Variants in KIAA1217 observed in about 807,000 individuals in gnomAD.
KIAA1217 encodes sickle tail protein homolog.
Under a neutral mutation model 163.9 loss-of-function variants are expected in KIAA1217, and 88 were observed. The ratio of observed to expected loss-of-function variants is 0.54; its 90% confidence interval spans 0.45 to 0.64. KIAA1217 has a LOEUF of 0.64. KIAA1217 is among the 30% of genes least tolerant of loss of function. The pLI, the probability that KIAA1217 is intolerant of heterozygous loss-of-function variation, is 0.00. For synonymous variants in KIAA1217, 903 were observed against 923.1 expected, an observed-to-expected ratio of 0.98 and a Z score of 0.39; for missense variants, 2,372 against 2,475.0, an observed-to-expected ratio of 0.96 and a Z score of 0.88.
chr10:24,275,509 G>A (rs2077186267), intron 2 of KIAA1217, among the ~76,000 whole-genome samples: 1 of 152,192 alleles, frequency 6.6e-6, no homozygotes, highest in African/African-American at 2.4e-5. Context: ...GTCCTGCCAT[G>A]TCTATGATGA....
chr10:23,972,907 T>C (rs1037979948), intron 1 of KIAA1217, among the ~76,000 whole-genome samples: 6 of 151,686 alleles, frequency 4.0e-5, no homozygotes, highest in Non-Finnish European at 8.8e-5. Flanking sequence ...AGTTGAACAA[T>C]GAGAACACAT....
intron 11 of KIAA1217, among the ~76,000 whole-genome samples, chr10:24,521,047 T>C (rs10458685): frequency 2.1e-5 from 3 of 145,592 alleles, no homozygotes; most frequent in African/African-American, 7.5e-5. Flanking sequence ...AAAAAGTTTT[T>C]TTTTTTTTTT....
intron 2 of KIAA1217, among the ~76,000 whole-genome samples, chr10:24,070,787 G>A (rs182854637): frequency 4.6e-5 from 7 of 152,068 alleles, no homozygotes; most frequent in African/African-American, 7.2e-5. Context: ...GAAAGGTTGC[G>A]AAAAGGGGAA....
intron 1 of KIAA1217, among the ~76,000 whole-genome samples, chr10:23,964,817 A>G (rs1844988985): frequency 6.6e-6 from 1 of 152,084 alleles, no homozygotes; most frequent in Admixed American, 6.5e-5. Context: ...AGCCTCCCAA[A>G]GTGCTGGGAC....
chr10:24,356,302 A>C (rs1044990169), intron 2 of KIAA1217, among the ~76,000 whole-genome samples: 1 of 152,220 alleles, frequency 6.6e-6, no homozygotes, highest in Non-Finnish European at 1.5e-5. Context: ...ACAAAGCCTG[A>C]TGCTGGGTTA....
rs191447238 is a variant in KIAA1217 at position 24,501,650 on chromosome 10, A to G, written c.2001+105A>G. ...ACCTAGAGAATGTAGAACCATAGAAACAGCATGGCTTCCTCTCTCACACAC... is the reference window on the plus strand; with the variant it reads ...ACCTAGAGAATGTAGAACCATAGAAGCAGCATGGCTTCCTCTCTCACACAC... On this transcript the variant is annotated intron_variant, in intron 9 of 20. Transcript: ENST00000376454. 1,612 of 998,416 alleles carry G rather than the reference A, an allele frequency of 1.6e-3. 3 individuals are homozygous for G. Among genetic ancestry groups the G allele is most frequent in the Middle Eastern group, 5.2e-3 (15 of 2,892 alleles). The allele number at this position is 998,416 out of a possible 1,614,324, so 61.8% of individuals were successfully genotyped here. A position where few individuals can be genotyped will look rare whatever the true frequency, so the allele number is the denominator to read the frequency against.
chr10:24,455,090 C>T (rs2061666026), intron 5 of KIAA1217, among the ~76,000 whole-genome samples: 1 of 152,090 alleles, frequency 6.6e-6, no homozygotes. Flanking sequence ...CATTTTAAGA[C>T]TGAAATATGT....
At chr10:24,015,027 G>A (rs573843583) in intron 2 of KIAA1217, among the ~76,000 whole-genome samples, 5 of 151,938 alleles carry the variant, frequency 3.3e-5, no homozygotes, top group Admixed American at 2.6e-4. Context: ...CCCTAAAAAA[G>A]CATGTAGTTA....
At chr10:23,776,379 A>G (rs7092339) in intron 1 of KIAA1217, among the ~76,000 whole-genome samples, 1,515 of 151,242 alleles carry the variant, frequency 0.01, 18 homozygotes, top group African/African-American at 0.035. Flanking sequence ...TTCATCTATG[A>G]TGAAGATAAT....
chr10:23,741,540 T>C (rs1839115553), intron 1 of KIAA1217, among the ~76,000 whole-genome samples: 1 of 152,220 alleles, frequency 6.6e-6, no homozygotes, highest in African/African-American at 2.4e-5. Flanking sequence ...TTCAGGTCCT[T>C]ATTTCACTAA....
intron 4 of KIAA1217, among the ~76,000 whole-genome samples, chr10:24,435,976 T>C (rs967903636): frequency 6.6e-6 from 1 of 151,954 alleles, no homozygotes; most frequent in African/African-American, 2.4e-5. Flanking sequence ...TTCTCATGCC[T>C]CAGCCTCCCG....
intron 1 of KIAA1217, among the ~76,000 whole-genome samples, chr10:23,909,197 CA>C (rs1842316290): frequency 1.3e-5 from 2 of 151,960 alleles, no homozygotes; most frequent in Non-Finnish European, 2.9e-5. Flanking sequence ...TTTGCAGACT[CA>C]GGGGGAAATG....
chr10:24,100,578 C>T (rs1230677642), intron 2 of KIAA1217, among the ~76,000 whole-genome samples: 1 of 152,188 alleles, frequency 6.6e-6, no homozygotes, highest in African/African-American at 2.4e-5. Flanking sequence ...AAGACAAGCA[C>T]TTAATACTTA....
chr10:24,190,095 A>G (rs1479984324), intron 2 of KIAA1217, among the ~76,000 whole-genome samples: 1 of 150,346 alleles, frequency 6.7e-6, no homozygotes, highest in African/African-American at 2.4e-5. Flanking sequence ...ACTGAGGGGG[A>G]GCTTAGCAAG....
At chr10:23,740,988 C>T (rs191846183) in intron 1 of KIAA1217, among the ~76,000 whole-genome samples, 151 of 152,240 alleles carry the variant, frequency 9.9e-4, no homozygotes, top group South Asian at 7.0e-3. Flanking sequence ...TGGGATAAAG[C>T]AGACATCCAT....
intron 2 of KIAA1217, among the ~76,000 whole-genome samples, chr10:24,018,764 T>C (rs191273082): frequency 1.3e-5 from 2 of 152,178 alleles, no homozygotes; most frequent in East Asian, 3.9e-4. Context: ...CTATCATGTT[T>C]ATTGCAGCAC....
At chr10:24,020,489 G>A (rs1328602024) in intron 2 of KIAA1217, among the ~76,000 whole-genome samples, 1 of 152,070 alleles carries the variant, frequency 6.6e-6, no homozygotes, top group Non-Finnish European at 1.5e-5. Context: ...TTGGAAGAAA[G>A]GGCTATATAA....
At chr10:23,723,064 A>T (rs1837952834) in intron 1 of KIAA1217, among the ~76,000 whole-genome samples, 1 of 152,182 alleles carries the variant, frequency 6.6e-6, no homozygotes, top group Non-Finnish European at 1.5e-5. Context: ...GCTTGGTCAC[A>T]TCCATTCTTT....
intron 2 of KIAA1217, among the ~76,000 whole-genome samples, chr10:24,245,890 A>T (rs906662598): frequency 1.3e-5 from 2 of 151,428 alleles, no homozygotes; most frequent in Non-Finnish European, 2.9e-5. Flanking sequence ...CTCCCACTTT[A>T]GTCTCCCCAA....
Sources: allele counts gnomAD v4.1 joint callset (sites outside exome capture counted in the v4.1 genomes callset), GRCh38; gene constraint gnomAD v4.1.1; transcripts MANE v1.5; gene names NCBI Gene and HGNC (gene_info 2026-07-23, HGNC 2026-07-21).